Variants in BAZ2B observed in about 807,000 individuals in gnomAD.
The protein encoded by BAZ2B is bromodomain adjacent to zinc finger domain 2B.
BAZ2B carries 91 observed loss-of-function variants against 246.0 expected under a neutral mutation model. That is an observed-to-expected ratio of 0.37 (90% CI 0.31 to 0.44). The LOEUF is 0.44. Ranked by LOEUF, BAZ2B falls within the 20% of genes least tolerant of loss-of-function variation. The pLI, the probability that BAZ2B is intolerant of heterozygous loss-of-function variation, is 1.00. For synonymous variants in BAZ2B, 855 were observed against 860.0 expected, an observed-to-expected ratio of 0.99 and a Z score of 0.10; for missense variants, 2,332 against 2,533.7, an observed-to-expected ratio of 0.92 and a Z score of 1.71.
chr2:159,585,551 T>C (rs1276209248), intron 1 of BAZ2B, among the ~76,000 whole-genome samples: 2 of 152,242 alleles, frequency 1.3e-5, no homozygotes, highest in Admixed American at 1.3e-4. Flanking sequence ...TCCAACTGGA[T>C]TGGATAAGAA....
At chr2:159,398,382 T>C (rs1388170719) in intron 18 of BAZ2B, 3 of 152,436 alleles carry the variant, frequency 2.0e-5, no homozygotes, top group African/African-American at 7.2e-5. Context: ...TCATTTTTAA[T>C]AGATAAAACA....
intron 13 of BAZ2B, among the ~76,000 whole-genome samples, chr2:159,414,464 AG>A (rs1482785563): frequency 6.6e-6 from 1 of 152,226 alleles, no homozygotes; most frequent in East Asian, 1.9e-4. Context: ...TAAATGCTTG[AG>A]GTGATGAATA....
intron 34 of BAZ2B, 23 bp from the exon 35 acceptor site, chr2:159,325,941 A>G (rs2063655281): frequency 6.5e-7 from 1 of 1,547,716 alleles, no homozygotes. Context: ...AAAAAAGTAA[A>G]TGAGGTGTAA....
Position 159,359,345 on chromosome 2 carries a change from TAAAA to T in BAZ2B, c.4214-8992_4214-8989del, listed in dbSNP as rs1267611018. ...TAGAAACACCTCTACGCAAATAAAC[TAAAA>T]ATCTGGAAGAAATGGATAAATTCCG... On this transcript the variant is annotated intron_variant, in intron 27 of 36. Transcript: ENST00000392783. 3.9e-5 allele frequency among the ~76,000 whole-genome samples: 6 copies of T among 151,980 alleles called. No homozygotes were observed. The East Asian group carries it at 1.2e-3, about 29-fold the overall frequency.
chr2:159,327,389 T>C (rs1161252458), intron 34 of BAZ2B, among the ~76,000 whole-genome samples: 1 of 152,220 alleles, frequency 6.6e-6, no homozygotes, highest in Non-Finnish European at 1.5e-5. Flanking sequence ...TAAGGAGATA[T>C]TTTAATTGAC....
At chr2:159,553,304 A>G (rs1365932061) in intron 2 of BAZ2B, among the ~76,000 whole-genome samples, 1 of 148,320 alleles carries the variant, frequency 6.7e-6, no homozygotes, top group Non-Finnish European at 1.5e-5. Context: ...CTGAGGCAGG[A>G]GAATCACCTG....
intron 2 of BAZ2B, among the ~76,000 whole-genome samples, chr2:159,527,148 A>G (rs2084841747): frequency 6.6e-6 from 1 of 152,078 alleles, no homozygotes; most frequent in African/African-American, 2.4e-5. Context: ...GGTTCAAGCA[A>G]GAGTTCAACT....
chr2:159,635,885 T>C, the BAZ2B span, among the ~76,000 whole-genome samples: 1 of 151,414 alleles, frequency 6.6e-6, no homozygotes, highest in Admixed American at 6.6e-5. Flanking sequence ...AGGGAGACCC[T>C]GTCTCTATAA....
chr2:159,708,903 TTG>T, the BAZ2B span, among the ~76,000 whole-genome samples: 2 of 152,174 alleles, frequency 1.3e-5, no homozygotes, highest in Admixed American at 6.6e-5. Context: ...TTGAAAGTTT[TTG>T]ATGCTAATCC....
At chr2:159,388,024 T>C (rs930144479) in intron 21 of BAZ2B, among the ~76,000 whole-genome samples, 1 of 151,942 alleles carries the variant, frequency 6.6e-6, no homozygotes, top group Non-Finnish European at 1.5e-5. Flanking sequence ...GAAAAGAGCT[T>C]ACATAATTGA....
At chr2:159,621,770 C>T in the BAZ2B span, among the ~76,000 whole-genome samples, 1 of 151,370 alleles carries the variant, frequency 6.6e-6, no homozygotes, top group South Asian at 2.1e-4. Context: ...TTGGGACCAG[C>T]CTGGGCAACA....
chr2:159,627,468 C>A, the BAZ2B span, among the ~76,000 whole-genome samples: 2 of 152,072 alleles, frequency 1.3e-5, no homozygotes, highest in African/African-American at 4.8e-5. Context: ...AGCTTATCCA[C>A]CACGATCAAG....
At chr2:159,568,040 C>T (rs1173490824) in intron 1 of BAZ2B, among the ~76,000 whole-genome samples, 1 of 152,132 alleles carries the variant, frequency 6.6e-6, no homozygotes, top group Non-Finnish European at 1.5e-5. Context: ...CCATTTTAAT[C>T]TCTGGAAAGT....
At chr2:159,483,581 A>C (rs2079488050) in intron 2 of BAZ2B, among the ~76,000 whole-genome samples, 1 of 152,160 alleles carries the variant, frequency 6.6e-6, no homozygotes, top group African/African-American at 2.4e-5. Context: ...GTTCGAGACC[A>C]GCCTGGCCAA....
chr2:159,588,367 C>T (rs1688541752), intron 1 of BAZ2B, among the ~76,000 whole-genome samples: 1 of 151,764 alleles, frequency 6.6e-6, no homozygotes, highest in Non-Finnish European at 1.5e-5. Flanking sequence ...CCAACAATAA[C>T]TCCAAAATAG....
chr2:159,419,612 A>G (rs1342254780), intron 13 of BAZ2B, among the ~76,000 whole-genome samples: 1 of 152,182 alleles, frequency 6.6e-6, no homozygotes, highest in Non-Finnish European at 1.5e-5. Context: ...CAAGTGAGAA[A>G]GATGTGGTTT....
chr2:159,540,278 C>A (rs1427467311), intron 2 of BAZ2B, among the ~76,000 whole-genome samples: 1 of 152,118 alleles, frequency 6.6e-6, no homozygotes, highest in African/African-American at 2.4e-5. Context: ...AAATTCCTAC[C>A]TAGGAATGTG....
chr2:159,608,812 A>T lies in BAZ2B; in HGVS notation c.-46+7430T>A, dbSNP rs1694089610. ...TACAGCCTACTATCAGCTGGATTAAATTTGGCCATATATTCTGTTATATTA... is the reference window on the plus strand; with the variant it reads ...TACAGCCTACTATCAGCTGGATTAATTTTGGCCATATATTCTGTTATATTA... On this transcript the variant is annotated intron_variant, in intron 1 of 36. Transcript: ENST00000392783. 2.6e-5 allele frequency among the ~76,000 whole-genome samples: 4 copies of T among 152,320 alleles called. No homozygotes were observed. In the Middle Eastern group the frequency reaches 0.01, roughly 389 times the overall value.
chr2:159,433,599 C>T (rs1199328854), intron 8 of BAZ2B: 6 of 369,052 alleles, frequency 1.6e-5, no homozygotes, highest in African/African-American at 8.4e-5. Context: ...TGCCTTTTGA[C>T]TAGCCTCCCC....
Sources: allele counts gnomAD v4.1 joint callset (sites outside exome capture counted in the v4.1 genomes callset), GRCh38; gene constraint gnomAD v4.1.1; transcripts MANE v1.5; gene names NCBI Gene and HGNC (gene_info 2026-07-23, HGNC 2026-07-21).